DIS3L2: variants seen among roughly 807,000 people sequenced by gnomAD.
DIS3L2 encodes the protein DIS3-like exonuclease 2.
In DIS3L2, 34 loss-of-function variants were observed where a neutral mutation model predicts 97.5. The observed-to-expected ratio is 0.35, with a 90% CI of 0.27 to 0.46. The LOEUF (loss-of-function observed/expected upper bound fraction) is 0.46, where lower values mean the gene tolerates loss of function less well. Ranked by LOEUF, DIS3L2 falls within the 20% of genes least tolerant of loss-of-function variation. The probability of loss-of-function intolerance (pLI) is 1.00; values close to 1 mark genes in which losing one functional copy is unlikely to be tolerated. For missense variants in DIS3L2, 1,038 were observed against 1,146.0 expected, an observed-to-expected ratio of 0.91 and a Z score of 1.36; for synonymous variants, 435 against 445.2, an observed-to-expected ratio of 0.98 and a Z score of 0.29.
chr2:232,187,017 A>G (rs1691457559), intron 9 of DIS3L2, among the ~76,000 whole-genome samples: 1 of 152,226 alleles, frequency 6.6e-6, no homozygotes, highest in African/African-American at 2.4e-5. Context: ...CCCTCATGGG[A>G]AAAATTGTTT....
At chr2:232,048,535 A>C (rs1221400487) in intron 5 of DIS3L2, among the ~76,000 whole-genome samples, 1 of 152,176 alleles carries the variant, frequency 6.6e-6, no homozygotes, top group Admixed American at 6.5e-5. Context: ...GATCGAGACC[A>C]TCCTGGCTAA....
intron 1 of DIS3L2, among the ~76,000 whole-genome samples, chr2:231,970,861 CACAA>C (rs991458602): frequency 6.6e-6 from 1 of 152,060 alleles, no homozygotes; most frequent in Non-Finnish European, 1.5e-5. Context: ...TAGCTTAAAA[CACAA>C]ACACATTGTA....
intron 5 of DIS3L2, among the ~76,000 whole-genome samples, chr2:232,033,695 C>G (rs912701713): frequency 6.6e-6 from 1 of 152,152 alleles, no homozygotes; most frequent in African/African-American, 2.4e-5. Flanking sequence ...TGAATTTTGT[C>G]AAAGGCCTTT....
At position 232,334,467 on chromosome 2, in the gene DIS3L2, A is replaced by G. The variant is rs1695876008; in HGVS notation, c.2257A>G (p.Ser753Gly). ...RMASKRVQEL[S>G]TSLFFAVLVK... The stretch of plus-strand genomic sequence containing the variant: ...GGCGTCCAAGCGCGTGCAGGAGCTC[A>G]GTACCAGTCTCTTCTTTGCTGTTCT... Residue 753 changes from serine (S) to glycine (G), a missense_variant, in exon 18 of 21, where the codon AGT (serine) becomes GGT (glycine). This residue lies in a region of DIS3L2 where 221 missense variants were observed against 246.9 expected (regional missense o/e 0.90). Coordinates refer to ENST00000325385, the MANE Select transcript of DIS3L2 (RefSeq NM_152383.5). The G allele has an allele frequency of 4.3e-6, 7 of 1,613,934 alleles. No homozygotes were observed. Among genetic ancestry groups the G allele is most frequent in the Non-Finnish European group, 5.9e-6 (7 of 1,180,004 alleles).
At chr2:232,110,899 A>G (rs1697507547) in intron 6 of DIS3L2, among the ~76,000 whole-genome samples, 2 of 152,280 alleles carry the variant, frequency 1.3e-5, no homozygotes, top group South Asian at 4.1e-4. Flanking sequence ...TTAAAAAAAA[A>G]AAAGAAAATG....
At chr2:232,238,495 T>C (rs778452058) in intron 10 of DIS3L2, 38 bp from the exon 11 acceptor site, 1 of 1,573,734 alleles carries the variant, frequency 6.4e-7, no homozygotes, top group Non-Finnish European at 8.7e-7. Flanking sequence ...GCTGTGGCCT[T>C]CCACGCCAGC....
At chr2:232,153,721 G>GT (rs1171588554) in intron 8 of DIS3L2, among the ~76,000 whole-genome samples, 2 of 146,058 alleles carry the variant, frequency 1.4e-5, no homozygotes, top group Non-Finnish European at 3.0e-5. Context: ...GGCGTTCTCT[G>GT]TATTTCCTGA....
chr2:232,213,661 G>GTTTTTTT (rs67846645), intron 10 of DIS3L2, among the ~76,000 whole-genome samples: 22 of 80,716 alleles, frequency 2.7e-4, no homozygotes, highest in South Asian at 1.3e-3. Flanking sequence ...ATCATCTGTA[G>GTTTTTTT]TTTTTTTTTT....
At chr2:232,267,766 T>A (rs2106285836) in intron 13 of DIS3L2, among the ~76,000 whole-genome samples, 1 of 152,314 alleles carries the variant, frequency 6.6e-6, no homozygotes, top group East Asian at 1.9e-4. Context: ...CCCTGGCACT[T>A]CTGCTTCTTG....
chr2:232,242,500 C>T (rs949375425), intron 11 of DIS3L2, among the ~76,000 whole-genome samples: 1 of 152,214 alleles, frequency 6.6e-6, no homozygotes, highest in Non-Finnish European at 1.5e-5. Context: ...CCTGCTCCTC[C>T]TTGCCTGAAT....
At chr2:232,282,313 C>T (rs942341440) in intron 13 of DIS3L2, among the ~76,000 whole-genome samples, 5 of 152,124 alleles carry the variant, frequency 3.3e-5, no homozygotes, top group Non-Finnish European at 5.9e-5. Context: ...CATGGGGTGA[C>T]CCCACCATCA....
chr2:232,114,560 A>G (rs1313669995), intron 6 of DIS3L2, among the ~76,000 whole-genome samples: 1 of 152,222 alleles, frequency 6.6e-6, no homozygotes, highest in African/African-American at 2.4e-5. Flanking sequence ...AAATAGAAGT[A>G]TAGACCCATA....
chr2:232,222,773 T>G (rs2343240), intron 10 of DIS3L2, among the ~76,000 whole-genome samples: 1 of 152,210 alleles, frequency 6.6e-6, no homozygotes, highest in Admixed American at 6.5e-5. Flanking sequence ...AGCTGGTGAG[T>G]GAACAATTTT....
chr2:232,136,381 C>G, intron 7 of DIS3L2, 91 bp from the exon 8 acceptor site: 1 of 1,507,476 alleles, frequency 6.6e-7, no homozygotes, highest in Non-Finnish European at 9.0e-7. Flanking sequence ...CTGGTTCCTG[C>G]TAGTTGATCA....
At chr2:232,192,201 T>A (rs1460235036) in intron 9 of DIS3L2, among the ~76,000 whole-genome samples, 3 of 152,356 alleles carry the variant, frequency 2.0e-5, no homozygotes, top group Admixed American at 6.5e-5. Context: ...GCTTATGTTA[T>A]ACCTTTATAT....
chr2:232,156,977 T>C (rs1690512064), intron 8 of DIS3L2, among the ~76,000 whole-genome samples: 1 of 152,218 alleles, frequency 6.6e-6, no homozygotes, highest in Non-Finnish European at 1.5e-5. Flanking sequence ...TAAATGGTCA[T>C]ATTGGCAATT....
At chr2:232,127,564 T>C (rs542758346) in intron 6 of DIS3L2, among the ~76,000 whole-genome samples, 1 of 152,246 alleles carries the variant, frequency 6.6e-6, no homozygotes, top group African/African-American at 2.4e-5. Context: ...CCTGCTCTTA[T>C]CTTGCCCTGG....
intron 6 of DIS3L2, among the ~76,000 whole-genome samples, chr2:232,118,086 G>A (rs563329070): frequency 1.3e-5 from 2 of 152,298 alleles, no homozygotes; most frequent in South Asian, 4.1e-4. Flanking sequence ...CTCTTGGACT[G>A]ATGACCTCAG....
chr2:231,981,223 C>T (rs919528500), intron 1 of DIS3L2, among the ~76,000 whole-genome samples: 6 of 152,038 alleles, frequency 3.9e-5, no homozygotes, highest in African/African-American at 1.2e-4. Context: ...GGATTATAGG[C>T]GTGAACCACT....
Sources: allele counts gnomAD v4.1 joint callset (sites outside exome capture counted in the v4.1 genomes callset), GRCh38; gene constraint gnomAD v4.1.1; regional missense constraint gnomAD v4.1.1; transcripts MANE v1.5; gene names NCBI Gene and HGNC (gene_info 2026-07-23, HGNC 2026-07-21).